SNCAIP: variants seen among roughly 807,000 people sequenced by gnomAD.
SNCAIP encodes synphilin-1.
SNCAIP carries 43 observed loss-of-function variants against 86.7 expected under a neutral mutation model. The ratio of observed to expected loss-of-function variants is 0.50; its 90% confidence interval spans 0.39 to 0.64. The LOEUF (loss-of-function observed/expected upper bound fraction) is 0.64, where lower values mean the gene tolerates loss of function less well. Among genes scored for constraint, SNCAIP ranks in the 30% least tolerant of loss-of-function variants. The pLI, the probability that SNCAIP is intolerant of heterozygous loss-of-function variation, is 0.00. For synonymous variants in SNCAIP, 417 were observed against 427.2 expected, an observed-to-expected ratio of 0.98 and a Z score of 0.29; for missense variants, 981 against 1,103.1, an observed-to-expected ratio of 0.89 and a Z score of 1.57.
chr5:122,408,291 T>C (rs1022210995), intron 3 of SNCAIP, among the ~76,000 whole-genome samples: 5 of 152,186 alleles, frequency 3.3e-5, no homozygotes, highest in Middle Eastern at 3.2e-3. Flanking sequence ...CCGTCCATTC[T>C]GCCTGCTTCC....
Position 122,403,816 on chromosome 5 carries a change from G to C in SNCAIP, c.81G>C (p.Thr27=). ...AGTATTCAGTCACATCACTCAAGACGATCCCAGAACTGTGCCGAAGATGTG... is the reference window on the plus strand; with the variant it reads ...AGTATTCAGTCACATCACTCAAGACCATCCCAGAACTGTGCCGAAGATGTG... ...DISYSVTSLK[T]IPELCRRCDT... is the part of the protein sequence containing the mutation. Residue 27 remains threonine, a synonymous_variant, in exon 3 of 11, where the codon ACG becomes ACC. Transcript: ENST00000261368. The C allele has an allele frequency of 6.2e-7, 1 of 1,613,700 alleles. No homozygotes were observed. Among genetic ancestry groups the C allele is most frequent in the Non-Finnish European group, 8.5e-7 (1 of 1,179,752 alleles).
At chr5:122,340,934 T>G (rs556535010) in intron 1 of SNCAIP, among the ~76,000 whole-genome samples, 1 of 152,352 alleles carries the variant, frequency 6.6e-6, no homozygotes, top group African/African-American at 2.4e-5. Context: ...TTAGCATTAG[T>G]ACCTTAACAT....
chr5:122,435,397 C>T (rs1779207730), intron 6 of SNCAIP, among the ~76,000 whole-genome samples: 1 of 152,140 alleles, frequency 6.6e-6, no homozygotes, highest in Non-Finnish European at 1.5e-5. Context: ...TTGTCTCATC[C>T]AGGCTCTCCC....
chr5:122,359,265 A>C (rs1355965827), intron 1 of SNCAIP, among the ~76,000 whole-genome samples: 1 of 152,010 alleles, frequency 6.6e-6, no homozygotes, highest in East Asian at 1.9e-4. Flanking sequence ...TAAAACAATG[A>C]AAATAATGTC....
rs1754440991 is a variant in SNCAIP, at chr5:122,327,926, TAGATTTTC to T, written c.-47+15644_-47+15651del. ...CATGTGAAATGGGGAGGAAGATGGT[TAGATTTTC>T]AAAGGCATCACAGGAAAAGTCTCAT... On this transcript the variant is annotated intron_variant, in intron 1 of 10. Coordinates refer to ENST00000261368, the MANE Select transcript of SNCAIP (RefSeq NM_005460.4). Among the ~76,000 whole-genome samples the T allele has an allele frequency of 3.3e-5, 5 of 152,280 alleles. No homozygotes were observed. The South Asian group carries it at 1.0e-3, about 32-fold the overall frequency.
At chr5:122,338,867 A>G (rs1476761606) in intron 1 of SNCAIP, among the ~76,000 whole-genome samples, 1 of 152,172 alleles carries the variant, frequency 6.6e-6, no homozygotes, top group Non-Finnish European at 1.5e-5. Context: ...GGCTGTAATT[A>G]ATATATTAAG....
chr5:122,345,696 G>A (rs1183611342), intron 1 of SNCAIP, among the ~76,000 whole-genome samples: 1 of 152,016 alleles, frequency 6.6e-6, no homozygotes. Flanking sequence ...GGGATTTGTT[G>A]TTGTTGTTGT....
intron 1 of SNCAIP, among the ~76,000 whole-genome samples, chr5:122,326,606 CTTTTTTTTTTTTTTTTTTTTTTT>C (rs11297385): frequency 7.1e-5 from 3 of 42,112 alleles, no homozygotes; most frequent in Non-Finnish European, 1.2e-4. Context: ...GAAATGTCTC[CTTTTTTTTTTTTTTTTTTTTTTT>C]TTTTTTTTTT....
chr5:122,430,940 T>C (rs1355537743), intron 5 of SNCAIP, among the ~76,000 whole-genome samples: 2 of 152,152 alleles, frequency 1.3e-5, no homozygotes, highest in Admixed American at 1.3e-4. Flanking sequence ...CTTTTTAAAA[T>C]TGTTTAATAT....
At chr5:122,380,272 A>G (rs1485951585) in intron 1 of SNCAIP, among the ~76,000 whole-genome samples, 1 of 151,902 alleles carries the variant, frequency 6.6e-6, no homozygotes, top group Admixed American at 6.6e-5. Context: ...TTCTTGGGAG[A>G]GTGTATGTGT....
chr5:122,385,557 T>C (rs1203590063), intron 1 of SNCAIP, among the ~76,000 whole-genome samples: 1 of 152,190 alleles, frequency 6.6e-6, no homozygotes, highest in African/African-American at 2.4e-5. Flanking sequence ...CCAGTACTTA[T>C]TTTGTGATCA....
intron 1 of SNCAIP, among the ~76,000 whole-genome samples, chr5:122,388,372 C>G (rs1056793): frequency 0.19 from 28,817 of 151,982 alleles, 3,550 homozygotes; most frequent in African/African-American, 0.35. Context: ...CTTTCTGTTA[C>G]AGCATGTTTG....
intron 3 of SNCAIP, among the ~76,000 whole-genome samples, chr5:122,417,985 A>G (rs555555554): frequency 1.3e-5 from 2 of 152,296 alleles, no homozygotes; most frequent in South Asian, 4.1e-4. Context: ...GCAAGGAGCA[A>G]TTATTCCCTA....
At chr5:122,459,225 T>TC (rs760015758) in intron 10 of SNCAIP, among the ~76,000 whole-genome samples, 1 of 152,160 alleles carries the variant, frequency 6.6e-6, no homozygotes, top group African/African-American at 2.4e-5. Context: ...TAGCAAGGTT[T>TC]CCCTGTTTTG....
intron 6 of SNCAIP, chr5:122,437,329 A>C (rs988365690): frequency 6.6e-6 from 1 of 152,236 alleles, no homozygotes; most frequent in Admixed American, 6.5e-5. Context: ...GAATCAGGGC[A>C]GGATTTGTCT....
chr5:122,351,317 A>C (rs996017086), intron 1 of SNCAIP, among the ~76,000 whole-genome samples: 1 of 152,046 alleles, frequency 6.6e-6, no homozygotes, highest in African/African-American at 2.4e-5. Context: ...CAGGCAGATC[A>C]CTTGAGGTCA....
chr5:122,327,283 G>C (rs1486365370), intron 1 of SNCAIP, among the ~76,000 whole-genome samples: 3 of 152,060 alleles, frequency 2.0e-5, no homozygotes. Context: ...TTATACCCAA[G>C]AACCTTCCTT....
Position 122,440,615 on chromosome 5 carries a change from C to G in SNCAIP, c.1297-14C>G. 3 of 1,612,526 alleles carry G rather than the reference C, an allele frequency of 1.9e-6. No individual in the cohort carries two copies. Among genetic ancestry groups the G allele is most frequent in the Non-Finnish European group, 2.5e-6 (3 of 1,178,610 alleles). On this transcript the variant is annotated splice_polypyrimidine_tract_variant and intron_variant, in intron 6 of 10. Transcript: ENST00000261368. ...AAGATATTACATGAATTCCAACTGT[C>G]TTTGTGTTTATAGGAAAAGATTCTT...
chr5:122,364,530 G>A (rs775187115), intron 1 of SNCAIP, among the ~76,000 whole-genome samples: 7 of 152,100 alleles, frequency 4.6e-5, no homozygotes, highest in East Asian at 1.9e-4. Context: ...CTGGATATTC[G>A]AAAATTATAT....
Sources: allele counts gnomAD v4.1 joint callset (sites outside exome capture counted in the v4.1 genomes callset), GRCh38; gene constraint gnomAD v4.1.1; transcripts MANE v1.5; gene names NCBI Gene and HGNC (gene_info 2026-07-23, HGNC 2026-07-21).